STK33: variants seen among roughly 807,000 people sequenced by gnomAD.
STK33 encodes serine/threonine kinase 33.
A neutral mutation model predicts 58.0 loss-of-function variants in STK33; 52 were observed. That is an observed-to-expected ratio of 0.90 (90% confidence interval 0.72 to 1.13). The LOEUF is 1.13. STK33 is among the 50% of genes most tolerant of loss of function. The probability of loss-of-function intolerance (pLI) is 0.00; values close to 1 mark genes in which losing one functional copy is unlikely to be tolerated. For synonymous variants in STK33, 215 were observed against 200.1 expected (o/e 1.07, Z -0.63); for missense variants, 630 against 604.2 (o/e 1.04, Z -0.45).
At chr11:8,349,608 C>A in the STK33 span, among the ~76,000 whole-genome samples, 1 of 152,274 alleles carries the variant, frequency 6.6e-6, no homozygotes, top group Admixed American at 6.5e-5. Flanking sequence ...TTCTCTGGAA[C>A]TGCTGAGCCA....
chr11:8,466,181 A>C (rs900439604), intron 6 of STK33: 1 of 152,186 alleles, frequency 6.6e-6, no homozygotes, highest in African/African-American at 2.4e-5. Context: ...CCCAAATCAC[A>C]TATGTTCACA....
chr11:8,404,180 C>G (rs1402920398), intron 15 of STK33, among the ~76,000 whole-genome samples: 1 of 152,188 alleles, frequency 6.6e-6, no homozygotes, highest in South Asian at 2.1e-4. Context: ...AATATATAGA[C>G]TTCTAAGGTT....
At chr11:8,477,173 C>CACACAA (rs1949360830) in intron 3 of STK33, 77 bp downstream of exon 3, 1 of 151,786 alleles carries the variant, frequency 6.6e-6, no homozygotes, top group East Asian at 1.9e-4. Flanking sequence ...CACACACACA[C>CACACAA]ACATACACAT....
In STK33 at chr11:8,457,302, T is replaced by C. The variant is rs190723995; in HGVS notation, c.697+39A>G. 122 of 1,476,652 alleles carry C rather than the reference T, an allele frequency of 8.3e-5. 1 individual carries two copies. In the East Asian group the frequency reaches 2.3e-3, roughly 28 times the overall value. The allele number at this position is 1,476,652 out of a possible 1,614,324, so 91.5% of individuals were successfully genotyped here. ...TACCCTTAAACAAAAGTGACATTAGTATTCATGGGGTCAATGAGCTGGATA... is the reference window on the plus strand; with the variant it reads ...TACCCTTAAACAAAAGTGACATTAGCATTCATGGGGTCAATGAGCTGGATA... On this transcript the variant is annotated intron_variant, in intron 9 of 15. Coordinates refer to ENST00000687296, the MANE Select transcript of STK33 (RefSeq NM_001352389.2).
chr11:8,538,662 G>A (rs141244475), intron 1 of STK33, among the ~76,000 whole-genome samples: 143 of 152,300 alleles, frequency 9.4e-4, no homozygotes, highest in African/African-American at 3.3e-3. Flanking sequence ...GCAATTTTAC[G>A]TGAATTTGGC....
rs553404463 is a variant in STK33 at position 8,523,324 on chromosome 11, C to T, written c.-465-42710G>A. 3.1e-3 allele frequency among the ~76,000 whole-genome samples: 464 copies of T among 151,428 alleles called. 2 individuals are homozygous for T. Among genetic ancestry groups the T allele is most frequent in the African/African-American group, 0.011 (442 of 41,220 alleles). ...GAAGTGAGGAGTGCCTCTTCCCAGC[C>T]GCCATCCCATCTAGGAAGTGAGGAG... On this transcript the variant is annotated intron_variant, in intron 1 of 15. Transcript: ENST00000687296.
intron 1 of STK33, among the ~76,000 whole-genome samples, chr11:8,571,832 CAAA>C (rs376750068): frequency 1.5e-5 from 1 of 67,216 alleles, no homozygotes. Flanking sequence ...GACCCAGTCT[CAAA>C]AAAAAAAAAA....
At chr11:8,426,135 A>G (rs1488405670) in intron 14 of STK33, among the ~76,000 whole-genome samples, 1 of 150,010 alleles carries the variant, frequency 6.7e-6, no homozygotes, top group African/African-American at 2.5e-5. Flanking sequence ...GGGCTTGGAG[A>G]ATGAGTCCAA....
chr11:8,474,209 G>T (rs74402304), intron 5 of STK33, among the ~76,000 whole-genome samples: 8,078 of 151,562 alleles, frequency 0.053, 289 homozygotes, highest in Non-Finnish European at 0.071. Flanking sequence ...ATCGAAATCA[G>T]TACAATTGGG....
rs1942330109 is a variant in STK33, at chr11:8,423,995, A to AT, written c.1147-10304dup. ...TTTGTTTGTGTTAAGGTATATATAT[A>AT]TTTTTATTATACTTTAAGTTTTAGG... On this transcript the variant is annotated intron_variant, in intron 14 of 15. Coordinates refer to ENST00000687296, the MANE Select transcript of STK33 (RefSeq NM_001352389.2). 4.0e-5 allele frequency among the ~76,000 whole-genome samples: 6 copies of AT among 151,670 alleles called. No individual in the cohort carries two copies. The South Asian group carries it at 1.0e-3, about 26-fold the overall frequency.
chr11:8,575,860 GA>G (rs1165733447), intron 1 of STK33, among the ~76,000 whole-genome samples: 1 of 152,046 alleles, frequency 6.6e-6, no homozygotes, highest in Non-Finnish European at 1.5e-5. Flanking sequence ...GACTAAAAAA[GA>G]AAAACTATAT....
chr11:8,371,732 TCTCC>T, the STK33 span, among the ~76,000 whole-genome samples: 6 of 118,060 alleles, frequency 5.1e-5, no homozygotes, highest in South Asian at 7.0e-4. Flanking sequence ...TCCCTTCTTC[TCTCC>T]CTCCCTCCCT....
chr11:8,530,623 T>C (rs762717792), intron 1 of STK33, among the ~76,000 whole-genome samples: 5 of 152,118 alleles, frequency 3.3e-5, no homozygotes, highest in Non-Finnish European at 7.4e-5. Flanking sequence ...GCAAACTTAA[T>C]AGGATGCCGT....
At chr11:8,381,522 C>T in the STK33 span, among the ~76,000 whole-genome samples, 1 of 152,068 alleles carries the variant, frequency 6.6e-6, no homozygotes, top group Non-Finnish European at 1.5e-5. Context: ...AATAAGGATC[C>T]CACAGGCGGA....
At chr11:8,517,809 G>A (rs926587842) in intron 1 of STK33, among the ~76,000 whole-genome samples, 26 of 152,234 alleles carry the variant, frequency 1.7e-4, no homozygotes, top group South Asian at 4.1e-4. Flanking sequence ...AAAAAGAAAC[G>A]AATGAAGCCT....
chr11:8,363,446 C>T, the STK33 span, among the ~76,000 whole-genome samples: 1 of 152,166 alleles, frequency 6.6e-6, no homozygotes, highest in Non-Finnish European at 1.5e-5. Flanking sequence ...TTCCTCATGA[C>T]CCAGTTAGTA....
At chr11:8,431,874 T>G (rs1943462929) in intron 14 of STK33, among the ~76,000 whole-genome samples, 1 of 152,212 alleles carries the variant, frequency 6.6e-6, no homozygotes, top group African/African-American at 2.4e-5. Flanking sequence ...CCTTCAAGCT[T>G]CTTATCTGCC....
chr11:8,515,165 C>G (rs893037287), intron 1 of STK33, among the ~76,000 whole-genome samples: 6 of 151,888 alleles, frequency 4.0e-5, no homozygotes, highest in African/African-American at 1.5e-4. Flanking sequence ...ACAAAATTGA[C>G]AAACTCTTAG....
chr11:8,421,658 A>C (rs1941939682), intron 14 of STK33, among the ~76,000 whole-genome samples: 1 of 152,194 alleles, frequency 6.6e-6, no homozygotes, highest in African/African-American at 2.4e-5. Context: ...TATGTATATC[A>C]ATACGGGAAA....
Sources: allele counts gnomAD v4.1 joint callset (sites outside exome capture counted in the v4.1 genomes callset), GRCh38; gene constraint gnomAD v4.1.1; transcripts MANE v1.5; gene names NCBI Gene and HGNC (gene_info 2026-07-23, HGNC 2026-07-21).